DNAI3: variants seen among roughly 807,000 people sequenced by gnomAD.
DNAI3 encodes dynein axonemal intermediate chain 3.
A neutral mutation model predicts 115.5 loss-of-function variants in DNAI3; 83 were observed. That is an observed-to-expected ratio of 0.72 (90% CI 0.60 to 0.86). DNAI3 has a LOEUF of 0.86. DNAI3 is among the 40% of genes least tolerant of loss of function. DNAI3 has a pLI of 0.00. For synonymous variants in DNAI3, 320 were observed against 347.0 expected, an observed-to-expected ratio of 0.92 and a Z score of 0.86; for missense variants, 1,004 against 1,075.8, an observed-to-expected ratio of 0.93 and a Z score of 0.93.
Position 85,130,083 on chromosome 1 carries a change from A to G in DNAI3, c.2503A>G (p.Met835Val). ...KKIREQEKKE[M>V]ELEMAKKKVK... ...AATTCGTGAGCAAGAAAAGAAAGAA[A>G]TGGAACTAGAAATGGCAAAGAAAAA... is the stretch of plus-strand genomic sequence containing the variant. Residue 835 changes from methionine to valine, a missense_variant, in exon 22 of 23, where the codon ATG becomes GTG. Around this residue, in one of 3 missense-constraint regions of DNAI3, gnomAD observed 429 missense variants for 454.3 expected, o/e 0.94. Transcript: ENST00000294664. 6.2e-7 allele frequency: 1 copy of G among 1,613,938 alleles called. No individual in the cohort carries two copies. The highest frequency in any genetic ancestry group is 8.5e-7 in the Non-Finnish European group (1 of 1,179,864).
intron 16 of DNAI3, among the ~76,000 whole-genome samples, chr1:85,112,462 G>C (rs1655687675): frequency 6.6e-6 from 1 of 152,180 alleles, no homozygotes; most frequent in Non-Finnish European, 1.5e-5. Flanking sequence ...CCTAGGAATA[G>C]AATGGTTGTA....
chr1:85,092,006 G>A (rs568344436), intron 8 of DNAI3, among the ~76,000 whole-genome samples: 1 of 152,294 alleles, frequency 6.6e-6, no homozygotes, highest in South Asian at 2.1e-4. Flanking sequence ...TTTGGAAAAT[G>A]CTTACTAATG....
intron 17 of DNAI3, 45 bp from the exon 18 acceptor site, chr1:85,121,706 T>A: frequency 6.4e-7 from 1 of 1,565,888 alleles, no homozygotes; most frequent in South Asian, 1.1e-5. Flanking sequence ...GTCTTTTGTC[T>A]CTTAAGTTGT....
chr1:85,077,820 G>A (rs1267102310), intron 3 of DNAI3, among the ~76,000 whole-genome samples: 4 of 151,500 alleles, frequency 2.6e-5, no homozygotes, highest in Non-Finnish European at 5.9e-5. Context: ...TTTATCGTTT[G>A]TCAATTATAA....
intron 15 of DNAI3, among the ~76,000 whole-genome samples, chr1:85,108,874 A>G (rs950748046): frequency 8.5e-5 from 13 of 152,216 alleles, no homozygotes; most frequent in African/African-American, 3.1e-4. Context: ...ACAAGCCACA[A>G]TTTCCAAATG....
At chr1:85,084,364 CT>C (rs1226147472) in intron 5 of DNAI3, among the ~76,000 whole-genome samples, 181 bp from the exon 6 acceptor site, 2 of 141,030 alleles carry the variant, frequency 1.4e-5, no homozygotes, top group African/African-American at 2.6e-5. Flanking sequence ...CCTCTTTTTT[CT>C]TTTTCCCTTT....
chr1:85,073,084 A>G lies in DNAI3; in HGVS notation c.95A>G (p.Glu32Gly). The G allele has an allele frequency of 6.5e-7, 1 of 1,549,222 alleles. No homozygotes were observed. The highest frequency in any genetic ancestry group is 1.4e-5 in the African/African-American group (1 of 72,890). ...GAAGACATGGAACCAGTAAATATGG[A>G]GAGCATGGGTAAGTGGAAATATAAT... The part of the protein sequence containing the change: ...ASEDMEPVNM[E>G]SMGHPEIYPL... Residue 32 changes from glutamate (E) to glycine (G), a missense_variant, in exon 3 of 23, where the codon GAG becomes GGG. By Grantham distance (98) the Glu-to-Gly change is moderately conservative. Transcript: ENST00000294664.
rs543208490 is a variant in DNAI3 at position 85,083,488 on chromosome 1, A to G, written c.391-1058A>G. 3.3e-5 allele frequency among the ~76,000 whole-genome samples: 5 copies of G among 152,308 alleles called. No individual in the cohort carries two copies. In the East Asian group the frequency reaches 9.6e-4, roughly 29 times the overall value. On this transcript the variant is annotated intron_variant, in intron 5 of 22. Transcript: ENST00000294664. ...GGTGACAGAGTGAGACCCTGTCTCA[A>G]AAAGAAAAAAAAATAAAATAAAAGC...
At chr1:85,081,664 T>C (rs548601365) in intron 4 of DNAI3, among the ~76,000 whole-genome samples, 1 of 152,188 alleles carries the variant, frequency 6.6e-6, no homozygotes, top group Non-Finnish European at 1.5e-5. Flanking sequence ...TGTTTTGTTT[T>C]GTTTTTTGAG....
At chr1:85,086,185 A>C (rs1024390725) in intron 7 of DNAI3, among the ~76,000 whole-genome samples, 155 bp downstream of exon 7, 1 of 152,244 alleles carries the variant, frequency 6.6e-6, no homozygotes, top group African/African-American at 2.4e-5. Context: ...AGGAAGATCT[A>C]ATTATATTCA....
At chr1:85,120,321 A>C (rs1655960512) in intron 17 of DNAI3, among the ~76,000 whole-genome samples, 1 of 152,216 alleles carries the variant, frequency 6.6e-6, no homozygotes, top group Non-Finnish European at 1.5e-5. Context: ...GAGGGAGAGA[A>C]GACAGGCAGG....
chr1:85,128,585 G>A (rs751153660), intron 20 of DNAI3, 123 bp from the exon 21 acceptor site: 5 of 714,344 alleles, frequency 7.0e-6, no homozygotes, highest in Non-Finnish European at 9.4e-6. Context: ...AAAATGCCAA[G>A]ATCACTGGAA....
intron 15 of DNAI3, among the ~76,000 whole-genome samples, chr1:85,108,552 T>C (rs1252774177): frequency 2.6e-5 from 4 of 152,194 alleles, no homozygotes; most frequent in African/African-American, 9.6e-5. Context: ...ATTTCAGTCA[T>C]TCTAACTGTG....
At chr1:85,093,431 A>G (rs746493128) in intron 8 of DNAI3, 27 bp from the exon 9 acceptor site, 2 of 1,544,810 alleles carry the variant, frequency 1.3e-6, no homozygotes, top group East Asian at 4.6e-5. Context: ...CAATATCTTA[A>G]TTGCTTTTTT....
At chr1:85,104,400 C>G (rs983633914) in intron 13 of DNAI3, 124 bp from the exon 14 acceptor site, 1 of 723,106 alleles carries the variant, frequency 1.4e-6, no homozygotes, top group African/African-American at 1.8e-5. Flanking sequence ...GGATTACAGG[C>G]GTGAGCCACT....
intron 3 of DNAI3, among the ~76,000 whole-genome samples, chr1:85,080,772 T>C (rs762856854): frequency 1.3e-5 from 2 of 152,218 alleles, no homozygotes; most frequent in Admixed American, 6.5e-5. Context: ...TAGGATTATT[T>C]ACAATAATTG....
chr1:85,076,025 C>T (rs1466706392), intron 3 of DNAI3, among the ~76,000 whole-genome samples: 1 of 152,180 alleles, frequency 6.6e-6, no homozygotes, highest in South Asian at 2.1e-4. Flanking sequence ...AAGGTGTCAG[C>T]AGGGCTGATT....
At chr1:85,130,304 C>A in intron 22 of DNAI3, 192 bp downstream of exon 22, 1 of 739,338 alleles carries the variant, frequency 1.4e-6, no homozygotes, top group Non-Finnish European at 2.1e-6. Context: ...AGATTCTGTC[C>A]AATTTAAGTT....
intron 21 of DNAI3, among the ~76,000 whole-genome samples, chr1:85,129,193 G>A (rs943197714): frequency 6.6e-6 from 1 of 152,126 alleles, no homozygotes; most frequent in African/African-American, 2.4e-5. Context: ...CCAACTTGGA[G>A]TATAGCAGGC....
Sources: gnomAD v4.1 joint callset for allele counts (sites outside exome capture counted in the v4.1 genomes callset) on GRCh38, gnomAD v4.1.1 for gene constraint, gnomAD v4.1.1 regional missense constraint, MANE v1.5 for transcripts, NCBI Gene and HGNC (gene_info 2026-07-23, HGNC 2026-07-21) for gene names.